Variants in PXDNL observed in about 807,000 individuals in gnomAD.
The protein encoded by PXDNL is peroxidasin like.
A neutral mutation model predicts 150.8 loss-of-function variants in PXDNL; 145 were observed. The observed-to-expected ratio is 0.96, with a 90% CI of 0.84 to 1.10. The LOEUF (loss-of-function observed/expected upper bound fraction) is 1.10, where lower values mean the gene tolerates loss of function less well. PXDNL is among the 50% of genes least tolerant of loss of function. The probability of loss-of-function intolerance (pLI) is 0.00; values close to 1 mark genes in which losing one functional copy is unlikely to be tolerated. For missense variants in PXDNL, 2,087 were observed against 1,873.9 expected, an observed-to-expected ratio of 1.11 and a Z score of -2.10; for synonymous variants, 757 against 725.7, an observed-to-expected ratio of 1.04 and a Z score of -0.69.
chr8:51,458,577 G>A (rs565758477), intron 8 of PXDNL, among the ~76,000 whole-genome samples: 53 of 152,178 alleles, frequency 3.5e-4, no homozygotes, highest in African/African-American at 1.1e-3. Flanking sequence ...TCTAAACACC[G>A]ATGTTTTGTC....
At chr8:51,396,613 C>T (rs1429072034) in intron 17 of PXDNL, among the ~76,000 whole-genome samples, 1 of 152,042 alleles carries the variant, frequency 6.6e-6, no homozygotes, top group Non-Finnish European at 1.5e-5. Flanking sequence ...AAAAATTAGC[C>T]GGGCATAGTG....
chr8:51,768,501 G>C (rs2037256393), intron 1 of PXDNL, among the ~76,000 whole-genome samples: 1 of 152,054 alleles, frequency 6.6e-6, no homozygotes, highest in South Asian at 2.1e-4. Flanking sequence ...TTATATATGA[G>C]TGAAACTTCT....
rs565150460 is a variant in PXDNL at position 51,496,961 on chromosome 8, G to T, written c.452+2738C>A. Among the ~76,000 whole-genome samples, 9 of 152,228 alleles carry T rather than the reference G, an allele frequency of 5.9e-5. No individual in the cohort carries two copies. The South Asian group carries it at 1.9e-3, about 32-fold the overall frequency. On this transcript the variant is annotated intron_variant, in intron 5 of 22. Coordinates refer to ENST00000356297, the MANE Select transcript of PXDNL (RefSeq NM_144651.5). ...TTAAAGTTCATATAGAACCAAAAAA[G>T]AGCCCGGATTGCCAAGTCAATCCTA...
intron 3 of PXDNL, among the ~76,000 whole-genome samples, chr8:51,565,344 A>AG (rs1300292199): frequency 7.9e-5 from 12 of 151,514 alleles, no homozygotes; most frequent in South Asian, 6.2e-4. Context: ...ATAGATAGAT[A>AG]AATAAATAAA....
chr8:51,712,625 G>A (rs1173977086), intron 1 of PXDNL, among the ~76,000 whole-genome samples: 2 of 152,142 alleles, frequency 1.3e-5, no homozygotes, highest in African/African-American at 2.4e-5. Context: ...AATGTAAACA[G>A]ACAACCTTAG....
chr8:51,436,696 A>G (rs1421099363), intron 12 of PXDNL, among the ~76,000 whole-genome samples: 1 of 152,182 alleles, frequency 6.6e-6, no homozygotes, highest in African/African-American at 2.4e-5. Context: ...CCTCTGGGAT[A>G]AAGCAAACAC....
intron 3 of PXDNL, among the ~76,000 whole-genome samples, chr8:51,581,433 G>T (rs1476921138): frequency 6.6e-6 from 1 of 152,044 alleles, no homozygotes; most frequent in African/African-American, 2.4e-5. Context: ...AGGTTGCAGT[G>T]CAGTGAGCTG....
At chr8:51,636,620 T>C (rs911964289) in intron 2 of PXDNL, among the ~76,000 whole-genome samples, 4 of 151,986 alleles carry the variant, frequency 2.6e-5, no homozygotes, top group Non-Finnish European at 4.4e-5. Context: ...TGTCTAGAAA[T>C]AAATTTAATC....
At chr8:51,630,541 C>A (rs1814468017) in intron 2 of PXDNL, among the ~76,000 whole-genome samples, 1 of 152,054 alleles carries the variant, frequency 6.6e-6, no homozygotes, top group African/African-American at 2.4e-5. Flanking sequence ...ATGCATCCAA[C>A]AAAGGTCTAA....
intron 2 of PXDNL, among the ~76,000 whole-genome samples, chr8:51,624,228 C>T (rs1211455812): frequency 6.6e-6 from 1 of 151,920 alleles, no homozygotes. Flanking sequence ...ACCCCAGATA[C>T]TGGGGAGCCA....
intron 4 of PXDNL, among the ~76,000 whole-genome samples, chr8:51,546,671 A>G (rs1812366642): frequency 6.6e-6 from 1 of 152,238 alleles, no homozygotes. Flanking sequence ...CAGAAGCTCC[A>G]GCGGATGGTG....
intron 4 of PXDNL, among the ~76,000 whole-genome samples, chr8:51,533,809 T>G (rs1457687854): frequency 6.7e-6 from 1 of 150,350 alleles, no homozygotes; most frequent in Non-Finnish European, 1.5e-5. Context: ...CAGGCTGGAG[T>G]GCAGTGGCGT....
Position 51,372,086 on chromosome 8 carries a change from T to C in PXDNL, c.3693-5A>G. On this transcript the variant is annotated splice_polypyrimidine_tract_variant and splice_region_variant and intron_variant, in intron 18 of 22. Transcript: ENST00000356297. ...CCAGGGTTTTCATACCAGAACCTGG[T>C]AGTCAACCAAAAAAAAAACATTGTC... is the stretch of plus-strand genomic sequence containing the variant. The C allele has an allele frequency of 6.6e-7, 1 of 1,519,004 alleles. No homozygotes were observed. Among genetic ancestry groups the C allele is most frequent in the South Asian group, 1.2e-5 (1 of 82,898 alleles). 94.1% of individuals were successfully genotyped at this position (1,519,004 alleles called of 1,614,324 possible). A position where few individuals can be genotyped will look rare whatever the true frequency, so the allele number is the denominator to read the frequency against.
At chr8:51,429,045 A>C (rs1809185162) in intron 12 of PXDNL, among the ~76,000 whole-genome samples, 1 of 152,292 alleles carries the variant, frequency 6.6e-6, no homozygotes, top group East Asian at 1.9e-4. Context: ...TGTACTGTAG[A>C]GGATATACAG....
At chr8:51,748,752 G>A (rs1241070982) in intron 1 of PXDNL, among the ~76,000 whole-genome samples, 1 of 152,192 alleles carries the variant, frequency 6.6e-6, no homozygotes, top group African/African-American at 2.4e-5. Flanking sequence ...TTCCTTAGTA[G>A]CCTCCTGCCG....
At chr8:51,340,774 C>T (rs914066547) in intron 20 of PXDNL, among the ~76,000 whole-genome samples, 2 of 152,210 alleles carry the variant, frequency 1.3e-5, no homozygotes, top group African/African-American at 2.4e-5. Context: ...GCTAGAGGCA[C>T]CATGAATCAG....
chr8:51,344,937 CCAA>C (rs1806098846), intron 20 of PXDNL, among the ~76,000 whole-genome samples: 1 of 152,136 alleles, frequency 6.6e-6, no homozygotes, highest in South Asian at 2.1e-4. Flanking sequence ...CACTTCTTGT[CCAA>C]CAACACTATC....
At chr8:51,794,115 G>C (rs762767568) in intron 1 of PXDNL, among the ~76,000 whole-genome samples, 1 of 152,032 alleles carries the variant, frequency 6.6e-6, no homozygotes, top group Non-Finnish European at 1.5e-5. Context: ...GACAAGATTA[G>C]AGAGAAAAGA....
chr8:51,477,361 C>G (rs186475952), intron 6 of PXDNL, among the ~76,000 whole-genome samples: 1 of 152,172 alleles, frequency 6.6e-6, no homozygotes, highest in Non-Finnish European at 1.5e-5. Flanking sequence ...TTCACACTAA[C>G]GTGAGAATAT....
Sources: gnomAD v4.1 joint callset for allele counts (sites outside exome capture counted in the v4.1 genomes callset) on GRCh38, gnomAD v4.1.1 for gene constraint, MANE v1.5 for transcripts, NCBI Gene and HGNC (gene_info 2026-07-23, HGNC 2026-07-21) for gene names.